LARS1: variants seen among roughly 807,000 people sequenced by gnomAD.
The protein encoded by LARS1 is leucine--tRNA ligase, cytoplasmic.
In LARS1, 100 loss-of-function variants were observed where a neutral mutation model predicts 162.8. The ratio of observed to expected loss-of-function variants is 0.61; its 90% CI spans 0.52 to 0.73. LARS1 has a LOEUF of 0.73. LARS1 is among the 30% of genes least tolerant of loss of function. The probability of loss-of-function intolerance (pLI) is 0.00; values close to 1 mark genes in which losing one functional copy is unlikely to be tolerated. For synonymous variants in LARS1, 457 were observed against 462.8 expected (o/e 0.99, Z 0.16); for missense variants, 1,258 against 1,408.9 (o/e 0.89, Z 1.71).
At chr5:146,170,162 C>T (rs1241809521) in intron 4 of LARS1, among the ~76,000 whole-genome samples, 1 of 152,024 alleles carries the variant, frequency 6.6e-6, no homozygotes, top group Non-Finnish European at 1.5e-5. Context: ...AATGTGTGCT[C>T]CACAAAATAA....
At chr5:146,157,136 G>C (rs911987362) in intron 10 of LARS1, among the ~76,000 whole-genome samples, 3 of 152,178 alleles carry the variant, frequency 2.0e-5, no homozygotes, top group African/African-American at 7.2e-5. Context: ...TCAGAGCAGT[G>C]GTTACCTTTG....
intron 23 of LARS1, chr5:146,132,299 T>C (rs62373771): frequency 0.22 from 33,806 of 151,518 alleles, 4,829 homozygotes; most frequent in Admixed American, 0.34. Flanking sequence ...TGCGAGACTC[T>C]GTCTCAGGAA....
In LARS1 at chr5:146,153,802, C is replaced by T; in HGVS notation, c.1162G>A (p.Val388Met). ...GAGTCGGAAGGAACACTTGTAACCA[C>T]ACCAGTGCCTTAGAAAACAAAGTGT... Reference protein sequence around the residue: ...LTIKEDKGTGVVTSVPSDSPD... With the variant: ...LTIKEDKGTGMVTSVPSDSPD... Residue 388 changes from valine (V) to methionine (M), a missense_variant, in exon 12 of 32, where the codon GTG becomes ATG. Physicochemically the swap from Val to Met is conservative, Grantham distance 21. Transcript: ENST00000394434. 1 of 1,613,958 alleles carries T rather than the reference C, an allele frequency of 6.2e-7. No homozygotes were observed. The highest frequency in any genetic ancestry group is 2.2e-5 in the East Asian group (1 of 44,858).
intron 2 of LARS1, among the ~76,000 whole-genome samples, chr5:146,173,359 A>C (rs1442509916): frequency 6.6e-6 from 1 of 151,952 alleles, no homozygotes. Flanking sequence ...TCAAAAAAAA[A>C]AAAATTCTTT....
chr5:146,137,876 A>G, intron 21 of LARS1: 1 of 206,344 alleles, frequency 4.8e-6, no homozygotes, highest in Non-Finnish European at 9.9e-6. Flanking sequence ...CTGCAATCCC[A>G]GCACTCTGGG....
At chr5:146,160,688 A>G (rs1753743651) in intron 6 of LARS1, among the ~76,000 whole-genome samples, 1 of 152,210 alleles carries the variant, frequency 6.6e-6, no homozygotes. Context: ...ATACATATAC[A>G]TATTAACAAA....
At chr5:146,150,484 G>A (rs1304988959) in intron 14 of LARS1, among the ~76,000 whole-genome samples, 3 of 152,126 alleles carry the variant, frequency 2.0e-5, no homozygotes, top group Admixed American at 2.0e-4. Context: ...TGAATTAGCT[G>A]GGTGTGATGG....
At chr5:146,142,791 A>T in intron 20 of LARS1, 81 bp downstream of exon 20, 1 of 1,057,206 alleles carries the variant, frequency 9.5e-7, no homozygotes, top group South Asian at 1.6e-5. Context: ...CCCCTCCACA[A>T]TAATTTATTA....
chr5:146,140,121 A>C (rs1024103363), intron 21 of LARS1, 83 bp downstream of exon 21: 8 of 1,062,856 alleles, frequency 7.5e-6, no homozygotes, highest in East Asian at 4.8e-5. Context: ...TATTTCTTAC[A>C]TACATTTAAA....
Position 146,126,454 on chromosome 5 carries a change from G to A in LARS1, c.2972C>T (p.Pro991Leu). 3 of 1,609,522 alleles carry A rather than the reference G, an allele frequency of 1.9e-6. No individual in the cohort carries two copies. The highest frequency in any genetic ancestry group is 2.6e-6 in the Non-Finnish European group (3 of 1,176,352). ...ELKKYMKKVMPFVAMIKENLE... is the reference protein window; with the variant it reads ...ELKKYMKKVMLFVAMIKENLE... ...GCTTACCTTAATCATGGCAACAAAT[G>A]GCATGACTTTCTTCATGTATTTCTT... Residue 991 changes from proline to leucine, a missense_variant, in exon 28 of 32, where the codon CCA becomes CTA. By Grantham distance (98) the Pro-to-Leu change is moderately conservative (BLOSUM62 -3). Transcript: ENST00000394434.
intron 10 of LARS1, among the ~76,000 whole-genome samples, chr5:146,156,558 G>T (rs1483605423): frequency 6.6e-6 from 1 of 152,028 alleles, no homozygotes; most frequent in African/African-American, 2.4e-5. Context: ...AGCTGGGCGT[G>T]GTGGCCCGCA....
At chr5:146,144,799 A>G (rs1166140306) in intron 15 of LARS1, 90 bp from the exon 16 acceptor site, 12 of 1,106,530 alleles carry the variant, frequency 1.1e-5, no homozygotes, top group African/African-American at 4.7e-5. Context: ...AAAATGCTAT[A>G]CCACCAATAA....
intron 6 of LARS1, among the ~76,000 whole-genome samples, chr5:146,163,727 A>T (rs983673432): frequency 6.6e-6 from 1 of 152,148 alleles, no homozygotes; most frequent in Non-Finnish European, 1.5e-5. Flanking sequence ...TTGCATTCAT[A>T]ACTTGGCTGA....
In LARS1 at chr5:146,172,106, G is replaced by A. The variant is rs1754309656; in HGVS notation, c.214-116C>T. Reference sequence around the variant, plus strand: ...CTTTACATCCTCCTTTGGAATGCCAGTTAGATTTTAGGCATCCCAAAACTC... The same window carrying A: ...CTTTACATCCTCCTTTGGAATGCCAATTAGATTTTAGGCATCCCAAAACTC... On this transcript the variant is annotated intron_variant, in intron 3 of 31. Coordinates refer to ENST00000394434, the MANE Select transcript of LARS1 (RefSeq NM_020117.11). 5.5e-6 allele frequency: 5 copies of A among 911,114 alleles called. No individual in the cohort carries two copies. The Admixed American group carries it at 1.1e-4, about 20-fold the overall frequency. The allele number at this position is 911,114 out of a possible 1,614,324, so 56.4% of individuals were successfully genotyped here. A position where few individuals can be genotyped will look rare whatever the true frequency, so the allele number is the denominator to read the frequency against.
intron 2 of LARS1, among the ~76,000 whole-genome samples, chr5:146,176,602 A>T (rs1284363584): frequency 6.6e-6 from 1 of 152,168 alleles, no homozygotes; most frequent in Non-Finnish European, 1.5e-5. Flanking sequence ...TTCAATCTGA[A>T]AAAGCACATT....
chr5:146,141,442 A>T (rs1283535254), intron 20 of LARS1, among the ~76,000 whole-genome samples: 1 of 152,242 alleles, frequency 6.6e-6, no homozygotes, highest in Admixed American at 6.5e-5. Context: ...AGGAATGAAG[A>T]TTCAACTTAT....
rs757891245 is a variant in LARS1, at chr5:146,171,898, T to C, written c.294+12A>G. The C allele has an allele frequency of 3.1e-6, 5 of 1,600,068 alleles. No homozygotes were observed. The highest frequency in any genetic ancestry group is 4.3e-6 in the Non-Finnish European group (5 of 1,171,422). On this transcript the variant is annotated intron_variant, in intron 4 of 31. Transcript: ENST00000394434. ...TAAAAAGAGTAGAAACCAATCCTAT[T>C]AGCGATCTTACCTTAATAGGCATTC...
At chr5:146,140,146 C>G in intron 21 of LARS1, 58 bp downstream of exon 21, 2 of 1,350,878 alleles carry the variant, frequency 1.5e-6, no homozygotes, top group Non-Finnish European at 2.1e-6. Flanking sequence ...AGTGCAACAA[C>G]CTAAATCTGA....
chr5:146,156,175 TACTA>T (rs1317586211), intron 10 of LARS1, among the ~76,000 whole-genome samples: 1 of 152,238 alleles, frequency 6.6e-6, no homozygotes, highest in East Asian at 1.9e-4. Context: ...ACACAGATAT[TACTA>T]ACTACCTCTA....
Sources: gnomAD v4.1 joint callset for allele counts (sites outside exome capture counted in the v4.1 genomes callset) on GRCh38, gnomAD v4.1.1 for gene constraint, MANE v1.5 for transcripts, NCBI Gene and HGNC (gene_info 2026-07-23, HGNC 2026-07-21) for gene names.